Variants in DIAPH3 observed in about 807,000 individuals in gnomAD.
The protein encoded by DIAPH3 is protein diaphanous homolog 3.
DIAPH3 carries 117 observed loss-of-function variants against 144.3 expected under a neutral mutation model. The ratio of observed to expected loss-of-function variants is 0.81; its 90% CI spans 0.70 to 0.95. DIAPH3 has a LOEUF of 0.95. Ranked by LOEUF, DIAPH3 falls within the 40% of genes least tolerant of loss-of-function variation. DIAPH3 has a pLI of 0.00. For missense variants in DIAPH3, 1,421 were observed against 1,412.7 expected (o/e 1.01, Z -0.09); for synonymous variants, 519 against 488.9 (o/e 1.06, Z -0.81).
At chr13:59,707,061 ATCTG>A (rs2034469941) in intron 27 of DIAPH3, among the ~76,000 whole-genome samples, 1 of 152,222 alleles carries the variant, frequency 6.6e-6, no homozygotes, top group African/African-American at 2.4e-5. Context: ...GGTTATATCC[ATCTG>A]TCTGAGAAAA....
intron 27 of DIAPH3, among the ~76,000 whole-genome samples, chr13:59,723,458 A>G (rs1370995564): frequency 6.6e-6 from 1 of 151,878 alleles, no homozygotes; most frequent in African/African-American, 2.4e-5. Flanking sequence ...TTAACTATAT[A>G]TTGTGTGTGT....
chr13:59,990,682 A>T (rs1426470902), intron 12 of DIAPH3, among the ~76,000 whole-genome samples: 2 of 151,950 alleles, frequency 1.3e-5, no homozygotes, highest in Non-Finnish European at 2.9e-5. Flanking sequence ...TTAACCTCAG[A>T]TGGCTAGGAT....
chr13:59,761,048 A>G (rs1021183357), intron 27 of DIAPH3, among the ~76,000 whole-genome samples: 19 of 152,214 alleles, frequency 1.2e-4, no homozygotes, highest in Non-Finnish European at 2.2e-4. Context: ...AACACTAATA[A>G]TTTCTAATTT....
At chr13:59,823,034 C>G (rs1279419525) in intron 24 of DIAPH3, among the ~76,000 whole-genome samples, 1 of 151,912 alleles carries the variant, frequency 6.6e-6, no homozygotes, top group East Asian at 1.9e-4. Context: ...ATTCTCACTA[C>G]CGTATTAGAA....
intron 27 of DIAPH3, among the ~76,000 whole-genome samples, chr13:59,739,399 C>G (rs941700104): frequency 3.3e-5 from 5 of 152,138 alleles, no homozygotes; most frequent in African/African-American, 1.2e-4. Context: ...CTTAACTCCT[C>G]TAAGTATTCA....
chr13:60,038,500 G>A (rs1257866029), intron 5 of DIAPH3, among the ~76,000 whole-genome samples: 1 of 151,962 alleles, frequency 6.6e-6, no homozygotes, highest in Non-Finnish European at 1.5e-5. Context: ...AAGAAAAAAT[G>A]GATTCCAAAA....
intron 4 of DIAPH3, among the ~76,000 whole-genome samples, chr13:60,079,021 A>G (rs1417627257): frequency 6.6e-6 from 1 of 152,040 alleles, no homozygotes; most frequent in African/African-American, 2.4e-5. Context: ...GCGTGCTGGA[A>G]GCCAATACCA....
At position 60,148,718 on chromosome 13, in the gene DIAPH3, G is replaced by A. The variant is rs1951648129; in HGVS notation, c.180+14869C>T. Among the ~76,000 whole-genome samples the A allele has an allele frequency of 2.0e-5, 3 of 152,164 alleles. No individual in the cohort carries two copies. In the South Asian group the frequency reaches 6.2e-4, roughly 32 times the overall value. On this transcript the variant is annotated intron_variant, in intron 1 of 27. Transcript: ENST00000400324. Reference sequence around the variant, plus strand: ...CAAATACAATGAAGAAGTCATATAGGGTGAGGCTTAAGACAAAAATCAGCA... The same window carrying A: ...CAAATACAATGAAGAAGTCATATAGAGTGAGGCTTAAGACAAAAATCAGCA...
rs780939384 is a variant in DIAPH3 at position 60,015,945 on chromosome 13, T to C, written c.739A>G (p.Ile247Val). The C allele has an allele frequency of 6.2e-7, 1 of 1,613,486 alleles. No individual in the cohort carries two copies. The highest frequency in any genetic ancestry group is 8.5e-7 in the Non-Finnish European group (1 of 1,179,798). The change falls in exon 7 of 28, where the codon ATA (isoleucine) becomes GTA (valine). Residue 247 changes from isoleucine to valine, a missense_variant. Coordinates refer to ENST00000400324, the MANE Select transcript of DIAPH3 (RefSeq NM_001042517.2). ...KVVKKNQHKV[I>V]QCLKALMNTQ... The stretch of plus-strand genomic sequence containing the variant: ...TTCATCAGGGCTTTTAGACACTGTA[T>C]GACTTTATGTTGATTTTTCTTTACA...
At chr13:59,826,050 T>G (rs1401791785) in intron 24 of DIAPH3, among the ~76,000 whole-genome samples, 4 of 152,140 alleles carry the variant, frequency 2.6e-5, no homozygotes, top group African/African-American at 9.7e-5. Flanking sequence ...AAGAGTTATC[T>G]AGGACAAACC....
At chr13:59,844,471 T>G (rs955495015) in intron 22 of DIAPH3, among the ~76,000 whole-genome samples, 15 of 142,788 alleles carry the variant, frequency 1.1e-4, no homozygotes, top group African/African-American at 3.6e-4. Context: ...GCCACTGCAC[T>G]CCAGCCTGGG....
intron 5 of DIAPH3, among the ~76,000 whole-genome samples, chr13:60,035,002 C>T (rs148825706): frequency 0.013 from 1,962 of 151,820 alleles, 21 homozygotes; most frequent in Non-Finnish European, 0.019. Flanking sequence ...ATTTAAACAG[C>T]TATATTTTAA....
At chr13:59,748,168 A>G (rs1436531413) in intron 27 of DIAPH3, among the ~76,000 whole-genome samples, 1 of 152,158 alleles carries the variant, frequency 6.6e-6, no homozygotes, top group Non-Finnish European at 1.5e-5. Flanking sequence ...TTTGAATATT[A>G]TGTACTTGTA....
chr13:59,899,883 C>T (rs2046336919), intron 20 of DIAPH3, among the ~76,000 whole-genome samples: 2 of 79,768 alleles, frequency 2.5e-5, no homozygotes, highest in South Asian at 8.5e-4. Flanking sequence ...TTTTGAGAAA[C>T]TCACAAGTTA....
intron 17 of DIAPH3, among the ~76,000 whole-genome samples, chr13:59,925,413 C>A (rs2047706288): frequency 6.6e-6 from 1 of 152,106 alleles, no homozygotes; most frequent in Non-Finnish European, 1.5e-5. Context: ...CCCATTTGAT[C>A]ATACTGTATT....
chr13:59,974,452 T>C lies in DIAPH3; in HGVS notation c.1550A>G (p.Glu517Gly). Residue 517 changes from glutamate (E) to glycine (G), a missense_variant, in exon 15 of 28, where the codon GAA becomes GGA. Coordinates refer to ENST00000400324, the MANE Select transcript of DIAPH3 (RefSeq NM_001042517.2). Reference sequence around the variant, plus strand: ...TTCTTGGTGGTCGGTAAACTCTTTTTCAAACTGAAACAAATTAAAAATAAT... The same window carrying C: ...TTCTTGGTGGTCGGTAAACTCTTTTCCAAACTGAAACAAATTAAAAATAAT... ...EKASELYKKF[E>G]KEFTDHQETQ... is the part of the protein sequence containing the mutation. 1.9e-6 allele frequency: 3 copies of C among 1,608,888 alleles called. No homozygotes were observed. Among genetic ancestry groups the C allele is most frequent in the South Asian group, 1.1e-5 (1 of 90,868 alleles).
intron 4 of DIAPH3, among the ~76,000 whole-genome samples, chr13:60,051,946 G>A (rs750389364): frequency 4.6e-5 from 7 of 152,146 alleles, no homozygotes; most frequent in South Asian, 4.1e-4. Context: ...GTAGGATATC[G>A]GAGCACTGTT....
intron 24 of DIAPH3, among the ~76,000 whole-genome samples, chr13:59,826,859 GC>G (rs2041462424): frequency 6.6e-6 from 1 of 151,940 alleles, no homozygotes. Context: ...ACAGAACACA[GC>G]CCTCAGAAAT....
chr13:59,724,022 T>C (rs1409864275), intron 27 of DIAPH3, among the ~76,000 whole-genome samples: 1 of 149,436 alleles, frequency 6.7e-6, no homozygotes, highest in African/African-American at 2.5e-5. Flanking sequence ...GTTTTTGTGA[T>C]AAAGGGATAG....
Sources: allele counts gnomAD v4.1 joint callset (sites outside exome capture counted in the v4.1 genomes callset), GRCh38; gene constraint gnomAD v4.1.1; transcripts MANE v1.5; gene names NCBI Gene and HGNC (gene_info 2026-07-23, HGNC 2026-07-21).